The following KIF6 variants were observed in gnomAD, a reference collection of about 807,000 sequenced individuals.
The protein encoded by KIF6 is kinesin family member 6, also known as kinesin-like protein KIF6.
KIF6 carries 106 observed loss-of-function variants against 112.7 expected under a neutral mutation model. The ratio of observed to expected loss-of-function variants is 0.94; its 90% confidence interval spans 0.80 to 1.11. The LOEUF (loss-of-function observed/expected upper bound fraction) is 1.11. Among genes scored for constraint, KIF6 ranks in the 50% least tolerant of loss-of-function variants. The pLI is 0.00. For synonymous variants in KIF6, 339 were observed against 339.9 expected, an observed-to-expected ratio of 1.00 and a Z score of 0.03; for missense variants, 929 against 964.0, an observed-to-expected ratio of 0.96 and a Z score of 0.48.
chr6:39,725,280 T>C lies in KIF6; in HGVS notation c.31A>G (p.Arg11Gly). 6.2e-7 allele frequency: 1 copy of C among 1,611,188 alleles called. No individual in the cohort carries two copies. Among genetic ancestry groups the C allele is most frequent in the African/African-American group, 1.3e-5 (1 of 74,490 alleles). The change falls in exon 1 of 23, where the codon AGG becomes GGG. Residue 11 changes from arginine to glycine, a missense_variant. Physicochemically the swap from Arg to Gly is moderately radical, Grantham distance 125. Coordinates refer to ENST00000287152, the MANE Select transcript of KIF6 (RefSeq NM_145027.6). The part of the protein sequence containing the change: MVKQTIQIFA[R>G]VKPPVRKHQQ... ...TGCTTCCGGACAGGGGGCTTCACCCTCGCGAATATCTGGATAGTCTGCTTC... is the reference window on the plus strand; with the variant it reads ...TGCTTCCGGACAGGGGGCTTCACCCCCGCGAATATCTGGATAGTCTGCTTC...
chr6:39,464,916 T>C (rs763652531), intron 13 of KIF6, among the ~76,000 whole-genome samples: 7 of 152,240 alleles, frequency 4.6e-5, no homozygotes, highest in Non-Finnish European at 8.8e-5. Context: ...TCCCAGTTTA[T>C]GGCAAAAGAA....
chr6:39,690,211 T>C (rs1442207649), intron 3 of KIF6: 1 of 152,190 alleles, frequency 6.6e-6, no homozygotes, highest in African/African-American at 2.4e-5. Flanking sequence ...GATTACATAA[T>C]TTAAAACTTC....
intron 22 of KIF6, among the ~76,000 whole-genome samples, chr6:39,337,220 T>TTTCTTTCTTTCTTTCTTTC (rs1763062581): frequency 8.9e-6 from 1 of 111,982 alleles, no homozygotes; most frequent in Admixed American, 8.7e-5. Flanking sequence ...TCTTTCTTTC[T>TTTCTTTCTTTCTTTCTTTC]TTCTTTCTTT....
intron 16 of KIF6, among the ~76,000 whole-genome samples, chr6:39,384,076 G>T (rs955122610): frequency 9.2e-5 from 14 of 152,194 alleles, no homozygotes; most frequent in Non-Finnish European, 2.1e-4. Context: ...TAGGTATACG[G>T]TCATATCAGC....
At chr6:39,358,569 G>C (rs576214787) in intron 18 of KIF6, among the ~76,000 whole-genome samples, 2 of 152,200 alleles carry the variant, frequency 1.3e-5, no homozygotes, top group Non-Finnish European at 1.5e-5. Context: ...AGTTTCGCTG[G>C]TATGACCCTT....
rs200299206 is a variant in KIF6, at chr6:39,419,983, A to G, written c.1775T>C (p.Leu592Pro). ...TCTTGCTTCATTTATACTTTCTCCC[A>G]GGGCCTTGGCTTCAGAAAATCTGGA... ...LKQRFSEAKA[L>P]GESINEARSK... Residue 592 changes from leucine to proline, a missense_variant, in exon 15 of 23, where the codon CTG (leucine) becomes CCG (proline). Transcript: ENST00000287152. 10 of 1,613,456 alleles carry G rather than the reference A, an allele frequency of 6.2e-6. No homozygotes were observed. Among genetic ancestry groups the G allele is most frequent in the Non-Finnish European group, 8.5e-6 (10 of 1,179,406 alleles).
At chr6:39,646,088 G>C (rs1398938336) in intron 3 of KIF6, among the ~76,000 whole-genome samples, 1 of 151,116 alleles carries the variant, frequency 6.6e-6, no homozygotes, top group Non-Finnish European at 1.5e-5. Flanking sequence ...CCTGCATGTT[G>C]TGCACATGTA....
At position 39,331,957 on chromosome 6, in the gene KIF6, T is replaced by A. The variant is rs895173261; in HGVS notation, c.*4575A>T. 1.3e-5 allele frequency: 2 copies of A among 152,024 alleles called. No homozygotes were observed. Among genetic ancestry groups the A allele is most frequent in the African/African-American group, 4.8e-5 (2 of 41,418 alleles). 9.4% of individuals were successfully genotyped at this position (152,024 alleles called of 1,614,324 possible). A position where few individuals can be genotyped will look rare whatever the true frequency, so the allele number is the denominator to read the frequency against. ...TGTTTCTATTTGTTTTTTCTTTTTT[T>A]TTTTTTTGAGACAGAGTTTCACTCT... On this transcript the variant is annotated 3_prime_UTR_variant, in exon 23 of 23. Transcript: ENST00000287152.
chr6:39,660,622 T>G (rs973803286), intron 3 of KIF6, among the ~76,000 whole-genome samples: 2 of 152,212 alleles, frequency 1.3e-5, no homozygotes, highest in African/African-American at 2.4e-5. Context: ...AGCTAAATTT[T>G]TTTTTGAGCT....
intron 3 of KIF6, among the ~76,000 whole-genome samples, chr6:39,674,521 A>AG (rs1236585360): frequency 6.6e-6 from 1 of 152,102 alleles, no homozygotes; most frequent in Non-Finnish European, 1.5e-5. Context: ...CACTTAAGAA[A>AG]TATGGGCTGA....
intron 18 of KIF6, among the ~76,000 whole-genome samples, chr6:39,358,757 C>A (rs115728825): frequency 0.042 from 6,352 of 152,290 alleles, 201 homozygotes; most frequent in Non-Finnish European, 0.055. Context: ...GAAATTATTT[C>A]TTTCAGTGAT....
chr6:39,439,860 C>T (rs909577924), intron 13 of KIF6, among the ~76,000 whole-genome samples: 5 of 152,202 alleles, frequency 3.3e-5, no homozygotes, highest in South Asian at 2.1e-4. Flanking sequence ...TTTGGGCCTG[C>T]GGTCTGATTT....
intron 3 of KIF6, among the ~76,000 whole-genome samples, chr6:39,662,566 A>G (rs1786216417): frequency 1.3e-5 from 2 of 152,226 alleles, no homozygotes; most frequent in Admixed American, 6.5e-5. Flanking sequence ...GTGTTTGAAC[A>G]CACAGCTTTT....
intron 7 of KIF6, among the ~76,000 whole-genome samples, chr6:39,587,620 G>A (rs62403319): frequency 0.15 from 22,019 of 151,080 alleles, 1,959 homozygotes; most frequent in Non-Finnish European, 0.19. Flanking sequence ...ATTTCACTTC[G>A]AGCTGATGGC....
chr6:39,458,379 A>T (rs1409875360), intron 13 of KIF6, among the ~76,000 whole-genome samples: 3 of 138,784 alleles, frequency 2.2e-5, no homozygotes, highest in Non-Finnish European at 4.7e-5. Flanking sequence ...TTTCAAAATA[A>T]TAAGAGCTAT....
chr6:39,654,090 G>A (rs1163289946), intron 3 of KIF6, among the ~76,000 whole-genome samples: 1 of 152,152 alleles, frequency 6.6e-6, no homozygotes. Flanking sequence ...AAGATGACAA[G>A]AGGAAAGAGT....
chr6:39,445,122 A>G (rs1284505500), intron 13 of KIF6, among the ~76,000 whole-genome samples: 1 of 152,260 alleles, frequency 6.6e-6, no homozygotes, highest in Admixed American at 6.5e-5. Flanking sequence ...ATCTTTCCCC[A>G]ATCTGTACAG....
chr6:39,703,819 G>T (rs1789024384), intron 3 of KIF6, among the ~76,000 whole-genome samples: 1 of 152,160 alleles, frequency 6.6e-6, no homozygotes, highest in Non-Finnish European at 1.5e-5. Context: ...CAATTATAAA[G>T]TCAAATAACT....
rs372143950 is a variant in KIF6, at chr6:39,680,857, T to C, written c.251+33835A>G. 9.0e-4 allele frequency among the ~76,000 whole-genome samples: 137 copies of C among 152,304 alleles called. 3 individuals carry two copies. The South Asian group carries it at 0.023, about 26-fold the overall frequency. On this transcript the variant is annotated intron_variant, in intron 3 of 22. Transcript: ENST00000287152. The stretch of plus-strand genomic sequence containing the variant: ...CCATTTTATTAGGTAAAATAGGGAA[T>C]AGAAGAAGGACTGCAGGTGGGGAAT...
Sources: allele counts gnomAD v4.1 joint callset (sites outside exome capture counted in the v4.1 genomes callset), GRCh38; gene constraint gnomAD v4.1.1; transcripts MANE v1.5; gene names NCBI Gene and HGNC (gene_info 2026-07-23, HGNC 2026-07-21).